The following PPP2CA variants were observed in gnomAD, a reference collection of about 807,000 sequenced individuals.
PPP2CA encodes protein phosphatase 2 catalytic subunit alpha.
A neutral mutation model predicts 38.8 loss-of-function variants in PPP2CA; 5 were observed. The ratio of observed to expected loss-of-function variants is 0.13; its 90% CI spans 0.07 to 0.27. PPP2CA has a LOEUF of 0.27. Among genes scored for constraint, PPP2CA ranks in the 10% least tolerant of loss-of-function variants. PPP2CA has a pLI of 1.00. For missense variants in PPP2CA, 88 were observed against 389.7 expected (o/e 0.23, Z 6.52); for synonymous variants, 152 against 134.0 (o/e 1.13, Z -0.93).
At chr5:134,222,153 T>C (rs976623530) in intron 1 of PPP2CA, among the ~76,000 whole-genome samples, 1 of 152,126 alleles carries the variant, frequency 6.6e-6, no homozygotes, top group Non-Finnish European at 1.5e-5. Flanking sequence ...TTAGCCCCTT[T>C]AGTCAAGTCA....
intron 1 of PPP2CA, among the ~76,000 whole-genome samples, chr5:134,207,179 C>A (rs1007181493): frequency 1.3e-5 from 2 of 151,970 alleles, no homozygotes; most frequent in Admixed American, 6.6e-5. Context: ...CAAGGCGGGC[C>A]GATCACTTGA....
rs79035216 is a variant in PPP2CA at position 134,201,731 on chromosome 5, T to C, written c.486+117A>G. ...TTTAAGTTTGAATGAATGCTATCAA[T>C]ATCTATTAAAAAATATCCCCAAAGG... On this transcript the variant is annotated intron_variant, in intron 3 of 6. Transcript: ENST00000481195. The C allele has an allele frequency of 3.6e-3, 4,087 of 1,126,182 alleles. 120 individuals carry two copies. In the African/African-American group the frequency reaches 0.057, roughly 16 times the overall value. The allele number at this position is 1,126,182 out of a possible 1,614,324, so 69.8% of individuals were successfully genotyped here. A position where few individuals can be genotyped will look rare whatever the true frequency, so the allele number is the denominator to read the frequency against.
At chr5:134,202,226 A>G (rs1197471229) in intron 2 of PPP2CA, 1 of 480,554 alleles carries the variant, frequency 2.1e-6, no homozygotes, top group African/African-American at 2.0e-5. Flanking sequence ...AACTAAAATC[A>G]AACTCCCTCT....
At chr5:134,220,867 A>G (rs1318053142) in intron 1 of PPP2CA, among the ~76,000 whole-genome samples, 1 of 152,206 alleles carries the variant, frequency 6.6e-6, no homozygotes, top group Admixed American at 6.5e-5. Context: ...CATTCTTTCT[A>G]CAGTACATGA....
At chr5:134,199,386 C>T (rs1400362377) in intron 5 of PPP2CA, 182 bp from the exon 6 acceptor site, 2 of 381,506 alleles carry the variant, frequency 5.2e-6, no homozygotes, top group African/African-American at 4.2e-5. Context: ...CTGTAAGGTA[C>T]ACATGTATTT....
At chr5:134,207,698 G>C (rs1031090864) in intron 1 of PPP2CA, among the ~76,000 whole-genome samples, 3 of 152,108 alleles carry the variant, frequency 2.0e-5, no homozygotes, top group Non-Finnish European at 4.4e-5. Flanking sequence ...GCGACCACAG[G>C]TGTGCACCAC....
chr5:134,225,798 G>A lies in PPP2CA; in HGVS notation c.64C>T (p.Gln22Ter). 1 of 1,610,916 alleles carries A rather than the reference G, an allele frequency of 6.2e-7. No individual in the cohort carries two copies. ...QWIEQLNECK[Q>*]LSESQVKSLC... ...CTCTTGACCTGGGACTCGGACAGCTGCTTGCACTCGTTCAGCTGCTCGATC... is the reference window on the plus strand; with the variant it reads ...CTCTTGACCTGGGACTCGGACAGCTACTTGCACTCGTTCAGCTGCTCGATC... Residue 22 changes from glutamine to a stop codon, truncating the protein, a stop_gained, in exon 1 of 7, where the codon CAG becomes TAG. Transcript: ENST00000481195. LOFTEE classifies it high-confidence loss of function.
intron 1 of PPP2CA, among the ~76,000 whole-genome samples, chr5:134,216,133 A>G (rs1410398164): frequency 6.6e-6 from 1 of 152,230 alleles, no homozygotes; most frequent in Non-Finnish European, 1.5e-5. Context: ...ACCAAGAAAT[A>G]ACTTGCTTCA....
chr5:134,213,670 C>G (rs1172052612), intron 1 of PPP2CA, among the ~76,000 whole-genome samples: 1 of 151,984 alleles, frequency 6.6e-6, no homozygotes, highest in Non-Finnish European at 1.5e-5. Context: ...GTGGTCCCAG[C>G]TGCTAAGGAG....
At chr5:134,217,364 T>G (rs1288286936) in intron 1 of PPP2CA, among the ~76,000 whole-genome samples, 1 of 152,206 alleles carries the variant, frequency 6.6e-6, no homozygotes, top group African/African-American at 2.4e-5. Flanking sequence ...ACATTTCACA[T>G]CCTTACCATA....
At chr5:134,198,882 A>T (rs971261926) in intron 6 of PPP2CA, among the ~76,000 whole-genome samples, 1 of 151,922 alleles carries the variant, frequency 6.6e-6, no homozygotes, top group Non-Finnish European at 1.5e-5. Flanking sequence ...CTTAAACCTC[A>T]CATTTAAACT....
chr5:134,209,772 T>C (rs961894976), intron 1 of PPP2CA, among the ~76,000 whole-genome samples: 8 of 36,782 alleles, frequency 2.2e-4, no homozygotes, highest in Non-Finnish European at 3.9e-4. Context: ...AGCAAGACTC[T>C]GTCCAAAAAA....
Position 134,225,870 on chromosome 5 carries a change from C to A in PPP2CA, c.-9G>T. ...AACACCTTCTCGTCCATGATGCCAC[C>A]CGCCCCAGCCGGCTGCCGCTCCGCG... On this transcript the variant is annotated 5_prime_UTR_variant, in exon 1 of 7. Coordinates refer to ENST00000481195, the MANE Select transcript of PPP2CA (RefSeq NM_002715.4). 6.2e-7 allele frequency: 1 copy of A among 1,603,256 alleles called. No homozygotes were observed. The highest frequency in any genetic ancestry group is 8.5e-7 in the Non-Finnish European group (1 of 1,178,010).
At chr5:134,223,758 T>C (rs1324123474) in intron 1 of PPP2CA, among the ~76,000 whole-genome samples, 3 of 152,180 alleles carry the variant, frequency 2.0e-5, no homozygotes, top group Non-Finnish European at 4.4e-5. Context: ...TCCCACACCT[T>C]TTCATACCAT....
intron 1 of PPP2CA, among the ~76,000 whole-genome samples, chr5:134,213,186 C>A (rs1469290397): frequency 6.6e-6 from 1 of 152,202 alleles, no homozygotes; most frequent in African/African-American, 2.4e-5. Context: ...AAACCCTCAA[C>A]GGACAGGCTG....
At chr5:134,225,153 C>G (rs1477563133) in intron 1 of PPP2CA, among the ~76,000 whole-genome samples, 1 of 152,170 alleles carries the variant, frequency 6.6e-6, no homozygotes, top group African/African-American at 2.4e-5. Flanking sequence ...CCACCATGAC[C>G]TTCGTAAAAA....
intron 3 of PPP2CA, 109 bp downstream of exon 3, chr5:134,201,738 TA>T: frequency 1.7e-6 from 2 of 1,210,596 alleles, no homozygotes; most frequent in Non-Finnish European, 2.3e-6. Context: ...CAATATCTAT[TA>T]AAAAATATCC....
At chr5:134,223,828 C>T (rs1201697077) in intron 1 of PPP2CA, among the ~76,000 whole-genome samples, 2 of 152,184 alleles carry the variant, frequency 1.3e-5, no homozygotes, top group African/African-American at 4.8e-5. Flanking sequence ...TTCTTCATTG[C>T]TTTTCATTTC....
At position 134,197,656 on chromosome 5, in the gene PPP2CA, A is replaced by T; in HGVS notation, c.*116T>A. On this transcript the variant is annotated 3_prime_UTR_variant, in exon 7 of 7. Transcript: ENST00000481195. ...ATGGCACATCTTTTGGTCCATGTGAAAACAAGTTTTTTGAATGTTAACTAT... is the reference window on the plus strand; with the variant it reads ...ATGGCACATCTTTTGGTCCATGTGATAACAAGTTTTTTGAATGTTAACTAT... The T allele has an allele frequency of 2.4e-6, 2 of 850,112 alleles. No homozygotes were observed. Among genetic ancestry groups the T allele is most frequent in the Non-Finnish European group, 3.8e-6 (2 of 523,648 alleles). The allele number at this position is 850,112 out of a possible 1,614,324, so 52.7% of individuals were successfully genotyped here.
Sources: gnomAD v4.1 joint callset for allele counts (sites outside exome capture counted in the v4.1 genomes callset) on GRCh38, gnomAD v4.1.1 for gene constraint, MANE v1.5 for transcripts, NCBI Gene and HGNC (gene_info 2026-07-23, HGNC 2026-07-21) for gene names.